The following GRIA3 variants were observed in gnomAD, a reference collection of about 807,000 sequenced individuals.
GRIA3 encodes the protein glutamate receptor 3.
In GRIA3, 3 loss-of-function variants were observed where a neutral mutation model predicts 63.0. That is an observed-to-expected ratio of 0.05 (90% CI 0.02 to 0.12). The LOEUF is 0.12. Ranked by LOEUF, GRIA3 falls within the 10% of genes least tolerant of loss-of-function variation. The pLI, the probability that GRIA3 is intolerant of heterozygous loss-of-function variation, is 1.00. For synonymous variants in GRIA3, 274 were observed against 257.9 expected (o/e 1.06, Z -0.60); for missense variants, 347 against 700.9 (o/e 0.50, Z 5.70).
rs1412964656 is a variant in GRIA3, at chrX:123,388,727, C to CTA, written c.751-6240_751-6239insAT. Among the ~76,000 whole-genome samples, 4 of 111,855 alleles carry CTA rather than the reference C, an allele frequency of 3.6e-5. No individual in the cohort carries two copies. In the Admixed American group the frequency reaches 3.8e-4, roughly 11 times the overall value. ...TTAGTCTGTTTCATTTAGTTCTGCT[C>CTA]TGATCTTCATTATTGCTTTCCTTCT... On this transcript the variant is annotated intron_variant, in intron 5 of 15. Transcript: ENST00000620443.
At chrX:123,472,210 C>T (rs1178001247) in intron 13 of GRIA3, among the ~76,000 whole-genome samples, 5 of 105,013 alleles carry the variant, frequency 4.8e-5, no homozygotes, top group African/African-American at 1.7e-4. Flanking sequence ...GAGTCATGGT[C>T]AAGGGATGGC....
At chrX:123,429,005 A>G (rs1160518060) in intron 12 of GRIA3, among the ~76,000 whole-genome samples, 1 of 111,798 alleles carries the variant, frequency 8.9e-6, no homozygotes, top group Non-Finnish European at 1.9e-5. Flanking sequence ...TAGATTAGAA[A>G]ATGGACACAT....
chrX:123,352,444 G>C (rs1486061193), intron 4 of GRIA3, among the ~76,000 whole-genome samples: 1 of 112,323 alleles, frequency 8.9e-6, no homozygotes, highest in African/African-American at 3.2e-5. Context: ...GGCAGGGCCA[G>C]ATTATAGATA....
chrX:123,422,478 G>A (rs763209906), intron 11 of GRIA3, among the ~76,000 whole-genome samples: 19 of 111,826 alleles, frequency 1.7e-4, no homozygotes, highest in African/African-American at 2.9e-4. Flanking sequence ...TGGAAGGTAC[G>A]AGGAGATTCA....
chrX:123,386,964 T>G (rs993371179), intron 5 of GRIA3, among the ~76,000 whole-genome samples: 7 of 59,131 alleles, frequency 1.2e-4, no homozygotes, highest in Non-Finnish European at 2.0e-4. Context: ...TCCAAGTGAA[T>G]TTTAGGATTT....
chrX:123,196,142 G>C (rs1927570694), intron 2 of GRIA3, among the ~76,000 whole-genome samples: 1 of 111,280 alleles, frequency 9.0e-6, no homozygotes, highest in Non-Finnish European at 1.9e-5. Flanking sequence ...GGAGGCCACT[G>C]GGTCAAGTAA....
In GRIA3 at chrX:123,353,020, T is replaced by TACACACACACACACAC. The variant is rs556926418; in HGVS notation, c.697-1870_697-1855dup. Among the ~76,000 whole-genome samples, 6 of 87,783 alleles carry TACACACACACACACAC rather than the reference T, an allele frequency of 6.8e-5. No individual in the cohort carries two copies. The South Asian group carries it at 3.1e-3, about 45-fold the overall frequency. 76.2% of individuals were successfully genotyped at this position (87,783 alleles called of 115,157 possible). On this transcript the variant is annotated intron_variant, in intron 4 of 15. Coordinates refer to ENST00000620443, the MANE Select transcript of GRIA3 (RefSeq NM_007325.5). Reference sequence around the variant, plus strand: ...TCTTGTCCTCTCTCTCTCTCTCTCATACACACACACACACACACACACACA... The same window carrying TACACACACACACACAC: ...TCTTGTCCTCTCTCTCTCTCTCTCATACACACACACACACACACACACACACACACACACACACACA...
chrX:123,185,923 G>A lies in GRIA3; in HGVS notation c.201G>A (p.Lys67=), dbSNP rs781546185. ...ACACCAACCAGAACACCACCGAGAA[G>A]CCCTTCCATTTGAATTACCACGTAG... ...LYNTNQNTTE[K]PFHLNYHVDH... Residue 67 remains lysine, a synonymous_variant, in exon 2 of 16, where the codon AAG becomes AAA. Transcript: ENST00000620443. 1.7e-6 allele frequency: 2 copies of A among 1,205,691 alleles called. No individual in the cohort carries two copies. The highest frequency in any genetic ancestry group is 2.2e-6 in the Non-Finnish European group (2 of 890,209).
intron 5 of GRIA3, among the ~76,000 whole-genome samples, chrX:123,371,505 T>G (rs1201010953): frequency 9.0e-6 from 1 of 111,032 alleles, no homozygotes; most frequent in Non-Finnish European, 1.9e-5. Context: ...CCACCAACAG[T>G]ATATGAGGAT....
chrX:123,441,821 AACACAC>A (rs34401132), intron 12 of GRIA3, among the ~76,000 whole-genome samples: 4 of 105,090 alleles, frequency 3.8e-5, no homozygotes, highest in Non-Finnish European at 5.9e-5. Flanking sequence ...CCTTCCTCTG[AACACAC>A]ACACACACAC....
chrX:123,238,518 C>T (rs896369785), intron 2 of GRIA3, among the ~76,000 whole-genome samples: 1 of 111,895 alleles, frequency 8.9e-6, no homozygotes, highest in African/African-American at 3.3e-5. Flanking sequence ...TGACCCATAA[C>T]ACATATGCAT....
intron 2 of GRIA3, among the ~76,000 whole-genome samples, chrX:123,188,162 G>T (rs1411317075): frequency 8.9e-6 from 1 of 111,867 alleles, no homozygotes; most frequent in Non-Finnish European, 1.9e-5. Context: ...AACCAGTGTT[G>T]TGTATCCAGC....
At chrX:123,283,740 G>A (rs1379454335) in intron 3 of GRIA3, among the ~76,000 whole-genome samples, 1 of 112,670 alleles carries the variant, frequency 8.9e-6, no homozygotes, top group African/African-American at 3.2e-5. Context: ...AAAGGCAGCA[G>A]CCCCAGTCAG....
At chrX:123,344,434 G>A (rs2045030370) in intron 4 of GRIA3, among the ~76,000 whole-genome samples, 1 of 111,935 alleles carries the variant, frequency 8.9e-6, no homozygotes, top group Admixed American at 9.5e-5. Context: ...TAAGCTAATG[G>A]TGAATGGGAG....
intron 13 of GRIA3, among the ~76,000 whole-genome samples, chrX:123,467,176 T>A (rs949146024): frequency 1.8e-5 from 2 of 112,293 alleles, no homozygotes; most frequent in Non-Finnish European, 3.8e-5. Context: ...TTGATTTTTT[T>A]AAAAAATACT....
At chrX:123,379,836 T>TGC (rs2045311786) in intron 5 of GRIA3, among the ~76,000 whole-genome samples, 1 of 86,913 alleles carries the variant, frequency 1.2e-5, no homozygotes, top group African/African-American at 4.4e-5. Context: ...ATGTTCCCCT[T>TGC]CCTGTGTCCA....
chrX:123,202,273 G>C (rs1306983926), intron 2 of GRIA3, among the ~76,000 whole-genome samples: 1 of 111,919 alleles, frequency 8.9e-6, no homozygotes, highest in Non-Finnish European at 1.9e-5. Context: ...GCTGAGATGA[G>C]AGCACATAAA....
At chrX:123,380,406 A>AT (rs199853650) in intron 5 of GRIA3, among the ~76,000 whole-genome samples, 7,967 of 110,929 alleles carry the variant, frequency 0.072, 588 homozygotes, top group African/African-American at 0.22. Context: ...GATGATGAGC[A>AT]TTTTTTTCAT....
At chrX:123,475,748 C>T (rs1009207282) in intron 13 of GRIA3, among the ~76,000 whole-genome samples, 1 of 112,131 alleles carries the variant, frequency 8.9e-6, no homozygotes, top group East Asian at 2.8e-4. Flanking sequence ...CTGCAAAATA[C>T]ACCCTTGCTA....
Sources: gnomAD v4.1 joint callset for allele counts (sites outside exome capture counted in the v4.1 genomes callset) on GRCh38, gnomAD v4.1.1 for gene constraint, MANE v1.5 for transcripts, NCBI Gene and HGNC (gene_info 2026-07-23, HGNC 2026-07-21) for gene names.